The following SNX31 variants were observed in gnomAD, a reference collection of about 807,000 sequenced individuals.
The protein encoded by SNX31 is sorting nexin-31.
In SNX31, 58 loss-of-function variants were observed where a neutral mutation model predicts 65.4. The observed-to-expected ratio is 0.89, with a 90% confidence interval of 0.72 to 1.10. The LOEUF (loss-of-function observed/expected upper bound fraction) is 1.10, where lower values mean the gene tolerates loss of function less well. Among genes scored for constraint, SNX31 ranks in the 50% least tolerant of loss-of-function variants. The pLI is 0.00. For synonymous variants in SNX31, 181 were observed against 190.1 expected (o/e 0.95, Z 0.39); for missense variants, 523 against 529.7 (o/e 0.99, Z 0.12).
At chr8:100,590,526 C>T (rs184899817) in intron 10 of SNX31, among the ~76,000 whole-genome samples, 44 of 152,342 alleles carry the variant, frequency 2.9e-4, no homozygotes, top group Non-Finnish European at 5.7e-4. Context: ...TGCCTGTAAT[C>T]CCAACAGTTT....
chr8:100,624,129 T>C (rs1279952400), intron 4 of SNX31, among the ~76,000 whole-genome samples: 2 of 152,070 alleles, frequency 1.3e-5, no homozygotes, highest in Admixed American at 6.6e-5. Flanking sequence ...CTCACATCCA[T>C]CACAGTCAGT....
Position 100,573,926 on chromosome 8 carries a change from C to CTTTTTTTTTTTTTTTTTTTTTTTTTTTT in SNX31, c.1261_1262insAAAAAAAAAAAAAAAAAAAAAAAAAAAA (p.Ser421LysfsTer13), listed in dbSNP as rs752425672. ...GTCATCTTTAGCTATCTTAATCTTG[C>CTTTTTTTTTTTTTTTTTTTTTTTTTTTT]TTTTTCTTGATAGAAAACTAGAATA... On this transcript the variant is annotated frameshift_variant, in exon 14 of 14. Coordinates refer to ENST00000311812, the MANE Select transcript of SNX31 (RefSeq NM_152628.4). LOFTEE classifies it high-confidence loss of function. 6.3e-7 allele frequency: 1 copy of CTTTTTTTTTTTTTTTTTTTTTTTTTTTT among 1,587,010 alleles called. No homozygotes were observed. The highest frequency in any genetic ancestry group is 1.8e-5 in the Admixed American group (1 of 54,294).
intron 12 of SNX31, among the ~76,000 whole-genome samples, chr8:100,580,943 C>T (rs1813440033): frequency 6.6e-6 from 1 of 152,034 alleles, no homozygotes; most frequent in Admixed American, 6.6e-5. Flanking sequence ...GGCTTTTGTA[C>T]AGGAGCATAG....
rs372053436 is a variant in SNX31 at position 100,631,363 on chromosome 8, C to T, written c.257-972G>A. ...GCCACAGATCCTCTCCTATATCCTG[C>T]GCTTCAGCTACACTTACATACTTAC... On this transcript the variant is annotated intron_variant, in intron 3 of 13. Coordinates refer to ENST00000311812, the MANE Select transcript of SNX31 (RefSeq NM_152628.4). Among the ~76,000 whole-genome samples, 12 of 152,096 alleles carry T rather than the reference C, an allele frequency of 7.9e-5. No individual in the cohort carries two copies. In the East Asian group the frequency reaches 2.3e-3, roughly 29 times the overall value.
At chr8:100,581,333 CTA>C (rs1330316859) in intron 12 of SNX31, among the ~76,000 whole-genome samples, 1 of 137,226 alleles carries the variant, frequency 7.3e-6, no homozygotes, top group Non-Finnish European at 1.5e-5. Context: ...ATCTATCTAT[CTA>C]TCTATATATA....
intron 1 of SNX31, among the ~76,000 whole-genome samples, chr8:100,658,454 C>G (rs1016282042): frequency 5.3e-5 from 8 of 152,206 alleles, no homozygotes; most frequent in Non-Finnish European, 7.3e-5. Flanking sequence ...TGCTCAAATG[C>G]TGCTGCAGAG....
chr8:100,612,879 G>A lies in SNX31; in HGVS notation c.523+116C>T. On this transcript the variant is annotated intron_variant, in intron 6 of 13. Transcript: ENST00000311812. This position sits in a 1 kb window ranked among gnomAD's most constrained non-coding sequence, Gnocchi z 4.3. ...ACCCTTAACCCAGTGACTGAGAACAGTGGTAGGGATCACAGCCCAGTGGGT... is the reference window on the plus strand; with the variant it reads ...ACCCTTAACCCAGTGACTGAGAACAATGGTAGGGATCACAGCCCAGTGGGT... The A allele has an allele frequency of 1.2e-6, 1 of 855,568 alleles. No individual in the cohort carries two copies. The highest frequency in any genetic ancestry group is 2.0e-6 in the Non-Finnish European group (1 of 501,534). The allele number at this position is 855,568 out of a possible 1,614,324, so 53.0% of individuals were successfully genotyped here.
intron 2 of SNX31, among the ~76,000 whole-genome samples, chr8:100,641,291 C>A (rs939947056): frequency 2.6e-5 from 4 of 151,904 alleles, no homozygotes; most frequent in African/African-American, 4.8e-5. Flanking sequence ...CATCTCAACA[C>A]TTTGGGAGGC....
At chr8:100,635,333 A>G (rs7818343) in intron 3 of SNX31, among the ~76,000 whole-genome samples, 44,061 of 151,682 alleles carry the variant, frequency 0.29, 7,664 homozygotes, top group African/African-American at 0.48. Flanking sequence ...TCAGCTTCCT[A>G]TGCTCAAGCT....
At chr8:100,602,421 A>ATCC (rs1226749414) in intron 8 of SNX31, among the ~76,000 whole-genome samples, 1 of 152,196 alleles carries the variant, frequency 6.6e-6, no homozygotes, top group Non-Finnish European at 1.5e-5. Flanking sequence ...GGTCCCCCTT[A>ATCC]TCCTCAGGGG....
At chr8:100,623,923 G>A (rs184893860) in intron 4 of SNX31, among the ~76,000 whole-genome samples, 9 of 151,934 alleles carry the variant, frequency 5.9e-5, no homozygotes, top group Middle Eastern at 3.4e-3. Context: ...CTATAGGTAC[G>A]GAAGGAGTTT....
At chr8:100,586,136 G>T (rs560278644) in intron 11 of SNX31, among the ~76,000 whole-genome samples, 2 of 152,172 alleles carry the variant, frequency 1.3e-5, no homozygotes, top group Non-Finnish European at 2.9e-5. Flanking sequence ...GGCCAGGCTG[G>T]TCTTAAGCTC....
intron 2 of SNX31, among the ~76,000 whole-genome samples, chr8:100,636,495 G>A (rs1205457568): frequency 3.3e-5 from 5 of 152,200 alleles, no homozygotes; most frequent in African/African-American, 9.6e-5. Context: ...AGTTTGGATT[G>A]AGATGTGTTG....
chr8:100,636,086 T>G (rs1031543993), intron 2 of SNX31, 75 bp from the exon 3 acceptor site: 2 of 1,013,200 alleles, frequency 2.0e-6, no homozygotes, highest in Admixed American at 3.8e-5. Flanking sequence ...AAAGTCTCCT[T>G]TAGGGCAAGT....
chr8:100,599,472 C>G (rs577096392), intron 9 of SNX31, among the ~76,000 whole-genome samples: 45 of 149,882 alleles, frequency 3.0e-4, no homozygotes, highest in African/African-American at 1.1e-3. Context: ...TGTGACAAAG[C>G]TGAGGTAGAA....
chr8:100,658,867 C>T (rs1360192030), intron 1 of SNX31, among the ~76,000 whole-genome samples: 1 of 152,212 alleles, frequency 6.6e-6, no homozygotes, highest in Non-Finnish European at 1.5e-5. Flanking sequence ...TGTTTGATCA[C>T]TCCTGGTGGG....
rs535996373 is a variant in SNX31, at chr8:100,629,391, A to G, written c.321+936T>C. On this transcript the variant is annotated intron_variant, in intron 4 of 13. Coordinates refer to ENST00000311812, the MANE Select transcript of SNX31 (RefSeq NM_152628.4). The surrounding 1 kb of genome is among the most constrained non-coding windows in gnomAD (Gnocchi z 5.1). The stretch of plus-strand genomic sequence containing the variant: ...TCAAAGAATAGGAAAGTGTGTGTAT[A>G]TATAAACCATCAAGAAATTGTGAAA... Among the ~76,000 whole-genome samples, 137 of 152,320 alleles carry G rather than the reference A, an allele frequency of 9.0e-4. No homozygotes were observed. In the Middle Eastern group the frequency reaches 0.017, roughly 19 times the overall value.
chr8:100,598,292 C>T (rs1430639616), intron 9 of SNX31, among the ~76,000 whole-genome samples: 1 of 152,174 alleles, frequency 6.6e-6, no homozygotes, highest in African/African-American at 2.4e-5. Flanking sequence ...GTTGTAAGTA[C>T]ATGGTACTTG....
intron 1 of SNX31, among the ~76,000 whole-genome samples, chr8:100,659,222 T>C (rs1287548032): frequency 6.6e-6 from 1 of 152,008 alleles, no homozygotes; most frequent in Non-Finnish European, 1.5e-5. Context: ...GGTGGGCACC[T>C]GTAATCCTAG....
Sources: gnomAD v4.1 joint callset for allele counts (sites outside exome capture counted in the v4.1 genomes callset) on GRCh38, gnomAD v4.1.1 for gene constraint, Gnocchi (gnomAD v3.1) non-coding constraint, MANE v1.5 for transcripts, NCBI Gene and HGNC (gene_info 2026-07-23, HGNC 2026-07-21) for gene names.